Variants in PTPRD observed in about 807,000 individuals in gnomAD.
PTPRD encodes the protein receptor-type tyrosine-protein phosphatase delta.
PTPRD carries 34 observed loss-of-function variants against 214.5 expected under a neutral mutation model. That is an observed-to-expected ratio of 0.16 (90% confidence interval 0.12 to 0.21). The LOEUF (loss-of-function observed/expected upper bound fraction) is 0.21, where lower values mean the gene tolerates loss of function less well. PTPRD is among the 10% of genes least tolerant of loss of function. PTPRD has a pLI of 1.00. For missense variants in PTPRD, 2,545 were observed against 2,398.7 expected, an observed-to-expected ratio of 1.06 and a Z score of -1.27; for synonymous variants, 1,128 against 845.7, an observed-to-expected ratio of 1.33 and a Z score of -5.79.
intron 10 of PTPRD, among the ~76,000 whole-genome samples, chr9:9,138,527 G>C (rs144358658): frequency 1.3e-4 from 20 of 151,928 alleles, no homozygotes; most frequent in Non-Finnish European, 2.6e-4. Flanking sequence ...GGTGACTTGT[G>C]ACCATTTACC....
chr9:10,149,127 G>A (rs901034575), intron 3 of PTPRD, among the ~76,000 whole-genome samples: 1 of 152,152 alleles, frequency 6.6e-6, no homozygotes, highest in Non-Finnish European at 1.5e-5. Context: ...GAAACTGCAA[G>A]TAAGGAGCAG....
At chr9:8,703,272 C>CT (rs1169375786) in intron 12 of PTPRD, among the ~76,000 whole-genome samples, 2 of 152,076 alleles carry the variant, frequency 1.3e-5, no homozygotes, top group African/African-American at 4.8e-5. Context: ...TTAAAGTGCT[C>CT]TTTTTTTGTT....
intron 3 of PTPRD, among the ~76,000 whole-genome samples, chr9:10,145,850 TG>T (rs1296259616): frequency 4.6e-5 from 7 of 152,024 alleles, no homozygotes; most frequent in African/African-American, 1.7e-4. Context: ...ATGGACATAA[TG>T]GCAAAATGAA....
intron 9 of PTPRD, among the ~76,000 whole-genome samples, chr9:9,260,003 C>T (rs2099979410): frequency 1.3e-5 from 2 of 151,762 alleles, no homozygotes. Flanking sequence ...CTGATATTTG[C>T]CCTAAATCTG....
chr9:10,528,379 T>C (rs1322565409), intron 2 of PTPRD, among the ~76,000 whole-genome samples: 1 of 152,130 alleles, frequency 6.6e-6, no homozygotes, highest in Non-Finnish European at 1.5e-5. Context: ...TAAACTGAGT[T>C]CACATATATA....
chr9:8,575,080 G>C (rs1185997426), intron 14 of PTPRD, among the ~76,000 whole-genome samples: 1 of 152,032 alleles, frequency 6.6e-6, no homozygotes, highest in African/African-American at 2.4e-5. Context: ...AACTGTCCTC[G>C]TACTCTACGA....
intron 11 of PTPRD, among the ~76,000 whole-genome samples, chr9:8,955,401 G>C (rs567660720): frequency 6.6e-6 from 1 of 151,750 alleles, no homozygotes; most frequent in African/African-American, 2.4e-5. Flanking sequence ...CTATAAGCTC[G>C]TAGACTCAAT....
At chr9:9,260,927 A>T (rs1329653698) in intron 9 of PTPRD, among the ~76,000 whole-genome samples, 1 of 151,856 alleles carries the variant, frequency 6.6e-6, no homozygotes. Flanking sequence ...AAACAGCCCA[A>T]AGATGAATTA....
At chr9:9,728,614 G>C (rs558519214) in intron 7 of PTPRD, among the ~76,000 whole-genome samples, 1 of 152,184 alleles carries the variant, frequency 6.6e-6, no homozygotes, top group South Asian at 2.1e-4. Flanking sequence ...CAGAAACTAA[G>C]GCAAGAGTTG....
At chr9:10,358,890 T>C (rs1384001926) in intron 2 of PTPRD, among the ~76,000 whole-genome samples, 1 of 152,002 alleles carries the variant, frequency 6.6e-6, no homozygotes, top group Non-Finnish European at 1.5e-5. Context: ...TTAGTAAACA[T>C]GTGTATCTTC....
intron 6 of PTPRD, among the ~76,000 whole-genome samples, chr9:9,740,169 T>A (rs934901457): frequency 6.6e-6 from 1 of 151,774 alleles, no homozygotes; most frequent in Non-Finnish European, 1.5e-5. Flanking sequence ...TCTTGTGGTT[T>A]ATTCAAATAT....
intron 10 of PTPRD, among the ~76,000 whole-genome samples, chr9:9,034,966 A>T (rs966348839): frequency 3.9e-5 from 6 of 152,148 alleles, no homozygotes; most frequent in Non-Finnish European, 5.9e-5. Flanking sequence ...AGTTATTCAG[A>T]ATTCTCATCT....
intron 3 of PTPRD, among the ~76,000 whole-genome samples, chr9:10,155,213 G>C (rs1257373620): frequency 6.6e-6 from 1 of 151,984 alleles, no homozygotes; most frequent in Admixed American, 6.6e-5. Context: ...TGGCAATTTT[G>C]AATGAGATAG....
intron 16 of PTPRD, 132 bp downstream of exon 16, chr9:8,527,213 G>A: frequency 1.1e-6 from 1 of 876,988 alleles, no homozygotes; most frequent in Non-Finnish European, 1.8e-6. Flanking sequence ...GTGTGTGGGA[G>A]CCACTACAGA....
At chr9:10,022,439 CAG>C (rs940091454) in intron 4 of PTPRD, among the ~76,000 whole-genome samples, 82 of 150,846 alleles carry the variant, frequency 5.4e-4, no homozygotes, top group African/African-American at 2.0e-3. Context: ...ATGAAAGCAA[CAG>C]AGAATCACTT....
chr9:10,027,604 A>G (rs769110014), intron 4 of PTPRD, among the ~76,000 whole-genome samples: 1 of 152,206 alleles, frequency 6.6e-6, no homozygotes, highest in Admixed American at 6.6e-5. Context: ...TGTTATAACA[A>G]TATATGGCAC....
At chr9:10,263,550 G>A (rs549573001) in intron 3 of PTPRD, among the ~76,000 whole-genome samples, 16 of 152,268 alleles carry the variant, frequency 1.1e-4, no homozygotes, top group Non-Finnish European at 2.1e-4. Context: ...CTGCCCTAGA[G>A]ATCTGTGGAA....
intron 9 of PTPRD, among the ~76,000 whole-genome samples, chr9:9,368,498 A>G (rs1275658659): frequency 6.6e-6 from 1 of 151,820 alleles, no homozygotes; most frequent in Non-Finnish European, 1.5e-5. Context: ...GATTCTTACA[A>G]TGAGTGTTGG....
intron 3 of PTPRD, among the ~76,000 whole-genome samples, chr9:10,201,866 T>C (rs1201094957): frequency 6.6e-6 from 1 of 151,862 alleles, no homozygotes; most frequent in Non-Finnish European, 1.5e-5. Context: ...ATCTTAACAG[T>C]TGTTAAATTT....
Sources: allele counts gnomAD v4.1 joint callset (sites outside exome capture counted in the v4.1 genomes callset), GRCh38; gene constraint gnomAD v4.1.1; transcripts MANE v1.5; gene names NCBI Gene and HGNC (gene_info 2026-07-23, HGNC 2026-07-21).